ATG4B: variants seen among roughly 807,000 people sequenced by gnomAD.
The protein encoded by ATG4B is autophagy related 4B cysteine peptidase.
Under a neutral mutation model 56.6 loss-of-function variants are expected in ATG4B, and 29 were observed. That is an observed-to-expected ratio of 0.51 (90% CI 0.38 to 0.70). The LOEUF (loss-of-function observed/expected upper bound fraction) is 0.70. Ranked by LOEUF, ATG4B falls within the 30% of genes least tolerant of loss-of-function variation. The pLI is 0.00. For missense variants in ATG4B, 461 were observed against 515.5 expected (o/e 0.89, Z 1.02); for synonymous variants, 224 against 206.1 (o/e 1.09, Z -0.74).
intron 1 of ATG4B, among the ~76,000 whole-genome samples, chr2:241,646,586 A>G (rs1029355303): frequency 6.6e-6 from 1 of 152,174 alleles, no homozygotes; most frequent in African/African-American, 2.4e-5. Context: ...GGCTAGCAGT[A>G]TGCCTCCAGA....
rs901009107 is a variant in ATG4B at position 241,645,536 on chromosome 2, C to G, written c.11-5474C>G. Among the ~76,000 whole-genome samples, 7 of 152,288 alleles carry G rather than the reference C, an allele frequency of 4.6e-5. No individual in the cohort carries two copies. In the East Asian group the frequency reaches 1.4e-3, roughly 29 times the overall value. On this transcript the variant is annotated intron_variant, in intron 1 of 12. Coordinates refer to ENST00000404914, the MANE Select transcript of ATG4B (RefSeq NM_013325.5). ...GCCCTGAAAGAGTGGTTACTGCTCC[C>G]GTGCAGTTTAGAGCTTTTCCTGCAC...
intron 7 of ATG4B, among the ~76,000 whole-genome samples, chr2:241,661,469 G>T (rs1435067370): frequency 3.9e-5 from 6 of 152,194 alleles, no homozygotes; most frequent in African/African-American, 1.4e-4. Flanking sequence ...CAGTCGTGCT[G>T]CTAAGAGTGC....
At chr2:241,653,936 A>C (rs1417531462) in intron 4 of ATG4B, among the ~76,000 whole-genome samples, 1 of 144,422 alleles carries the variant, frequency 6.9e-6, no homozygotes, top group Non-Finnish European at 1.5e-5. Context: ...GGCTGCAGTG[A>C]GCTGAGATCG....
chr2:241,655,116 A>T, intron 5 of ATG4B, 155 bp from the exon 6 acceptor site: 1 of 687,100 alleles, frequency 1.5e-6, no homozygotes, highest in Non-Finnish European at 2.6e-6. Flanking sequence ...TTGCCCCCTC[A>T]TGCCTCCCCC....
Position 241,668,864 on chromosome 2 carries a change from C to A in ATG4B, c.957+179C>A. 1 of 877,856 alleles carries A rather than the reference C, an allele frequency of 1.1e-6. No homozygotes were observed. The highest frequency in any genetic ancestry group is 1.7e-6 in the Non-Finnish European group (1 of 587,068). 54.4% of individuals were successfully genotyped at this position (877,856 alleles called of 1,614,324 possible). On this transcript the variant is annotated intron_variant, in intron 10 of 12. Coordinates refer to ENST00000404914, the MANE Select transcript of ATG4B (RefSeq NM_013325.5). The surrounding 1 kb of genome is among the most constrained non-coding windows in gnomAD (Gnocchi z 4.2). Reference sequence around the variant, plus strand: ...GAACTGTGTCCTTGCACCCTCACGTCCCTCCCCCAGGCACCACCTCCTGTG... The same window carrying A: ...GAACTGTGTCCTTGCACCCTCACGTACCTCCCCCAGGCACCACCTCCTGTG...
intron 4 of ATG4B, 83 bp downstream of exon 4, chr2:241,653,693 C>G (rs1415805947): frequency 8.1e-7 from 1 of 1,239,620 alleles, no homozygotes; most frequent in Non-Finnish European, 1.1e-6. Flanking sequence ...CTCTTTAGAG[C>G]AGACCACAGG....
Position 241,646,844 on chromosome 2 carries a change from G to A in ATG4B, c.11-4166G>A, listed in dbSNP as rs369432412. ...CCCACCTGGGCTGGAATGCAGTGGC[G>A]CGATCTCAGGTCACTGCAGCCTCCG... On this transcript the variant is annotated intron_variant, in intron 1 of 12. Transcript: ENST00000404914. Among the ~76,000 whole-genome samples, 11 of 150,438 alleles carry A rather than the reference G, an allele frequency of 7.3e-5. No homozygotes were observed. In the East Asian group the frequency reaches 9.8e-4, roughly 13 times the overall value.
intron 7 of ATG4B, among the ~76,000 whole-genome samples, chr2:241,662,786 A>G (rs1295978301): frequency 6.6e-6 from 1 of 152,002 alleles, no homozygotes; most frequent in Admixed American, 6.5e-5. Flanking sequence ...CTTCAAAATC[A>G]ATAAAGCGGG....
At position 241,667,109 on chromosome 2, in the gene ATG4B, C is replaced by T. The variant is rs369374038; in HGVS notation, c.732+271C>T. On this transcript the variant is annotated intron_variant, in intron 8 of 12. Coordinates refer to ENST00000404914, the MANE Select transcript of ATG4B (RefSeq NM_013325.5). ...GCAGGGGGTCCTTGGAACCAGGTGC[C>T]ACTCCTCGGCCTGACGGGGAGCCCC... Among the ~76,000 whole-genome samples the T allele has an allele frequency of 1.1e-3, 161 of 152,290 alleles. 1 individual carries two copies. Among genetic ancestry groups the T allele is most frequent in the African/African-American group, 3.7e-3 (153 of 41,568 alleles).
At chr2:241,640,395 C>T (rs943382184) in intron 1 of ATG4B, among the ~76,000 whole-genome samples, 2 of 152,174 alleles carry the variant, frequency 1.3e-5, no homozygotes, top group African/African-American at 4.8e-5. Context: ...AATGATCTGC[C>T]CTCCTTTGAT....
chr2:241,645,580 CAGTG>C (rs1467192914), intron 1 of ATG4B, among the ~76,000 whole-genome samples: 2 of 152,184 alleles, frequency 1.3e-5, no homozygotes, highest in South Asian at 2.1e-4. Context: ...GTCCGTTTCA[CAGTG>C]AGGACACCAA....
At chr2:241,671,635 C>CCA in intron 12 of ATG4B, 1 of 1,467,366 alleles carries the variant, frequency 6.8e-7, no homozygotes, top group South Asian at 1.3e-5. Context: ...GCTGCCTGCC[C>CCA]GGGCGCTGTG....
At chr2:241,640,554 A>G (rs1052299978) in intron 1 of ATG4B, among the ~76,000 whole-genome samples, 3 of 152,268 alleles carry the variant, frequency 2.0e-5, no homozygotes, top group African/African-American at 7.2e-5. Flanking sequence ...AAGTAACAAC[A>G]TAGATGAAAA....
At chr2:241,650,818 T>G (rs1422558286) in intron 1 of ATG4B, among the ~76,000 whole-genome samples, 192 bp from the exon 2 acceptor site, 12 of 152,014 alleles carry the variant, frequency 7.9e-5, no homozygotes, top group Admixed American at 6.6e-4. Context: ...CAGCAGGGCC[T>G]CCTTCTCTTT....
At chr2:241,670,922 C>A in intron 11 of ATG4B, 140 bp downstream of exon 11, 1 of 914,298 alleles carries the variant, frequency 1.1e-6, no homozygotes, top group South Asian at 1.5e-5. Context: ...CCTGGCACAG[C>A]TATGTAGCTG....
At position 241,672,275 on chromosome 2, in the gene ATG4B, G is replaced by C; in HGVS notation, c.*11G>C. ...ATCCTGTCCCTTTGAAAATCCTGGG[G>C]TCGGGGGTGGCACCTGTGAGAGCCT... On this transcript the variant is annotated 3_prime_UTR_variant, in exon 13 of 13. Coordinates refer to ENST00000404914, the MANE Select transcript of ATG4B (RefSeq NM_013325.5). 6.4e-7 allele frequency: 1 copy of C among 1,563,916 alleles called. No homozygotes were observed. Among genetic ancestry groups the C allele is most frequent in the East Asian group, 2.4e-5 (1 of 42,186 alleles).
intron 1 of ATG4B, among the ~76,000 whole-genome samples, chr2:241,639,106 G>C (rs2067798375): frequency 6.6e-6 from 1 of 152,206 alleles, no homozygotes; most frequent in African/African-American, 2.4e-5. Context: ...TGTATGCTCA[G>C]CCCCTGGCGG....
chr2:241,646,164 A>G (rs978864837), intron 1 of ATG4B, among the ~76,000 whole-genome samples: 2 of 152,206 alleles, frequency 1.3e-5, no homozygotes. Context: ...TTCCTTGCCT[A>G]TAAAGTTTGG....
intron 1 of ATG4B, among the ~76,000 whole-genome samples, chr2:241,649,868 C>T (rs1246685321): frequency 6.6e-6 from 1 of 150,854 alleles, no homozygotes; most frequent in East Asian, 1.9e-4. Context: ...ACTGCAACCT[C>T]CACCTTCTGG....
Sources: allele counts gnomAD v4.1 joint callset (sites outside exome capture counted in the v4.1 genomes callset), GRCh38; gene constraint gnomAD v4.1.1; non-coding constraint Gnocchi (gnomAD v3.1); transcripts MANE v1.5; gene names NCBI Gene and HGNC (gene_info 2026-07-23, HGNC 2026-07-21).